The following TDRD7 variants were observed in gnomAD, a reference collection of about 807,000 sequenced individuals.
TDRD7 encodes tudor domain containing 7.
Under a neutral mutation model 109.8 loss-of-function variants are expected in TDRD7, and 47 were observed. The observed-to-expected ratio is 0.43, with a 90% confidence interval of 0.34 to 0.55. The LOEUF is 0.55. TDRD7 is among the 20% of genes least tolerant of loss of function. TDRD7 has a pLI of 0.03. For synonymous variants in TDRD7, 424 were observed against 457.3 expected (o/e 0.93, Z 0.93); for missense variants, 1,164 against 1,319.2 (o/e 0.88, Z 1.82).
intron 5 of TDRD7, among the ~76,000 whole-genome samples, chr9:97,440,323 A>G (rs1410961921): frequency 6.6e-6 from 1 of 152,194 alleles, no homozygotes; most frequent in Non-Finnish European, 1.5e-5. Flanking sequence ...TACTACTTTA[A>G]TTTGTTTAAC....
intron 1 of TDRD7, among the ~76,000 whole-genome samples, chr9:97,421,374 C>A (rs1014656018): frequency 6.6e-6 from 1 of 152,040 alleles, no homozygotes; most frequent in Non-Finnish European, 1.5e-5. Flanking sequence ...TTGCCATCTT[C>A]ATTTTTACTT....
intron 1 of TDRD7, among the ~76,000 whole-genome samples, chr9:97,415,485 T>A (rs1827797103): frequency 6.6e-6 from 1 of 152,222 alleles, no homozygotes; most frequent in Non-Finnish European, 1.5e-5. Flanking sequence ...ATTTACAAAA[T>A]GCAGTTTTGA....
At chr9:97,454,789 A>G (rs185566649) in intron 6 of TDRD7, among the ~76,000 whole-genome samples, 44 of 152,330 alleles carry the variant, frequency 2.9e-4, no homozygotes, top group African/African-American at 1.0e-3. Context: ...AGCAAGAGCA[A>G]ACTAATTCAA....
chr9:97,471,695 A>G (rs930503515), intron 9 of TDRD7, among the ~76,000 whole-genome samples: 1 of 152,202 alleles, frequency 6.6e-6, no homozygotes, highest in Non-Finnish European at 1.5e-5. Context: ...TAGAATTGTC[A>G]TATATGTTAT....
At chr9:97,434,831 A>T (rs1041449205) in intron 4 of TDRD7, among the ~76,000 whole-genome samples, 1 of 152,200 alleles carries the variant, frequency 6.6e-6, no homozygotes, top group Non-Finnish European at 1.5e-5. Flanking sequence ...TCTCCACAGT[A>T]AAAAGGAGTA....
At chr9:97,475,123 T>C (rs956798032) in intron 11 of TDRD7, among the ~76,000 whole-genome samples, 1 of 152,214 alleles carries the variant, frequency 6.6e-6, no homozygotes, top group African/African-American at 2.4e-5. Flanking sequence ...ATAATGATCT[T>C]ATGCTAATGT....
intron 11 of TDRD7, among the ~76,000 whole-genome samples, chr9:97,475,015 C>T (rs1204013688): frequency 6.6e-6 from 1 of 152,068 alleles, no homozygotes; most frequent in Admixed American, 6.6e-5. Flanking sequence ...AAGAATAGGC[C>T]CACAGACAGC....
intron 4 of TDRD7, among the ~76,000 whole-genome samples, chr9:97,437,331 T>C (rs186087297): frequency 5.2e-4 from 79 of 152,314 alleles, no homozygotes; most frequent in Admixed American, 1.4e-3. Flanking sequence ...ATTGGCACAG[T>C]GTACTTCCTT....
intron 6 of TDRD7, among the ~76,000 whole-genome samples, chr9:97,443,784 C>G (rs560847864): frequency 2.0e-5 from 3 of 152,112 alleles, no homozygotes; most frequent in African/African-American, 7.2e-5. Context: ...ATTTGCACAC[C>G]GTAGAAAGTT....
chr9:97,432,292 CA>C, intron 4 of TDRD7, 54 bp downstream of exon 4: 1 of 1,458,102 alleles, frequency 6.9e-7, no homozygotes, highest in Non-Finnish European at 9.6e-7. Flanking sequence ...AAAAGTGTTA[CA>C]AATGTATGTT....
chr9:97,424,585 C>G, intron 1 of TDRD7, among the ~76,000 whole-genome samples: 1 of 152,152 alleles, frequency 6.6e-6, no homozygotes, highest in Admixed American at 6.5e-5. Flanking sequence ...CTCTCTTTAT[C>G]TCTGATAAGA....
At chr9:97,457,958 A>C (rs531492916) in intron 6 of TDRD7, among the ~76,000 whole-genome samples, 1 of 152,118 alleles carries the variant, frequency 6.6e-6, no homozygotes, top group Non-Finnish European at 1.5e-5. Flanking sequence ...CAGAGAGGGG[A>C]ACAACACTTA....
intron 7 of TDRD7, 83 bp from the exon 8 acceptor site, chr9:97,464,759 A>T (rs774266606): frequency 2.0e-6 from 3 of 1,500,894 alleles, no homozygotes; most frequent in Non-Finnish European, 2.8e-6. Context: ...GCAGCAGGGA[A>T]AAAAGAAGGA....
Position 97,492,067 on chromosome 9 carries a change from G to A in TDRD7, c.3077-3596G>A, listed in dbSNP as rs560737763. ...TGCTCATTGGTTTCTGCTCTAGTAC[G>A]CTTTGACTCTCAGTATCTTCCTGTC... On this transcript the variant is annotated intron_variant, in intron 16 of 16. Transcript: ENST00000355295. Among the ~76,000 whole-genome samples, 7 of 152,274 alleles carry A rather than the reference G, an allele frequency of 4.6e-5. No homozygotes were observed. The East Asian group carries it at 9.7e-4, about 21-fold the overall frequency.
chr9:97,443,530 C>T lies in TDRD7; in HGVS notation c.855+1655C>T, dbSNP rs1828348844. Among the ~76,000 whole-genome samples the T allele has an allele frequency of 6.6e-5, 10 of 152,160 alleles. No individual in the cohort carries two copies. The South Asian group carries it at 2.1e-3, about 32-fold the overall frequency. ...CAGTTTTTTCCAGTTTTTTTCAGTT[C>T]AGTTTTTTCCATTTATACTCCATTC... is the stretch of plus-strand genomic sequence containing the variant. On this transcript the variant is annotated intron_variant, in intron 6 of 16. Coordinates refer to ENST00000355295, the MANE Select transcript of TDRD7 (RefSeq NM_014290.3).
chr9:97,430,426 C>A (rs1828081655), intron 2 of TDRD7, among the ~76,000 whole-genome samples: 1 of 152,144 alleles, frequency 6.6e-6, no homozygotes, highest in Non-Finnish European at 1.5e-5. Context: ...CCAGAGTCAC[C>A]CAGCAGATCC....
chr9:97,425,315 A>G (rs1478878891), intron 1 of TDRD7, among the ~76,000 whole-genome samples: 4 of 152,190 alleles, frequency 2.6e-5, no homozygotes, highest in Non-Finnish European at 5.9e-5. Context: ...TGGACTGCAT[A>G]ATCATTTGTC....
chr9:97,494,708 A>T (rs1277607481), intron 16 of TDRD7, among the ~76,000 whole-genome samples: 6 of 98,220 alleles, frequency 6.1e-5, no homozygotes, highest in African/African-American at 2.0e-4. Flanking sequence ...ATATATATAT[A>T]TATATTTTTT....
Position 97,428,666 on chromosome 9 carries a change from T to C in TDRD7, c.201T>C (p.Ser67=), listed in dbSNP as rs2118281952. ...PAVVRIETSR[S]GEITCYAMAC... Reference sequence around the variant, plus strand: ...TGGTCAGGATAGAGACTAGTAGATCTGGAGAGGTAAGAAGGTAATTGTGCG... The same window carrying C: ...TGGTCAGGATAGAGACTAGTAGATCCGGAGAGGTAAGAAGGTAATTGTGCG... The change falls in exon 2 of 17, where the codon TCT becomes TCC. Residue 67 remains serine (S), a synonymous_variant. Coordinates refer to ENST00000355295, the MANE Select transcript of TDRD7 (RefSeq NM_014290.3). 1 of 1,613,524 alleles carries C rather than the reference T, an allele frequency of 6.2e-7. No homozygotes were observed. The highest frequency in any genetic ancestry group is 2.2e-5 in the East Asian group (1 of 44,866).
Sources: gnomAD v4.1 joint callset for allele counts (sites outside exome capture counted in the v4.1 genomes callset) on GRCh38, gnomAD v4.1.1 for gene constraint, MANE v1.5 for transcripts, NCBI Gene and HGNC (gene_info 2026-07-23, HGNC 2026-07-21) for gene names.